Variants in ARHGEF33 observed in about 807,000 individuals in gnomAD.
The protein encoded by ARHGEF33 is DH and coiled-coil domain-containing protein ENSP00000381780.
In ARHGEF33, 72 loss-of-function variants were observed where a neutral mutation model predicts 101.9. That is an observed-to-expected ratio of 0.71 (90% CI 0.58 to 0.86). The LOEUF (loss-of-function observed/expected upper bound fraction) is 0.86, where lower values mean the gene tolerates loss of function less well. Ranked by LOEUF, ARHGEF33 falls within the 40% of genes least tolerant of loss-of-function variation. The probability of loss-of-function intolerance (pLI) is 0.00; values close to 1 mark genes in which losing one functional copy is unlikely to be tolerated. For synonymous variants in ARHGEF33, 499 were observed against 442.5 expected (o/e 1.13, Z -1.60); for missense variants, 1,169 against 1,111.3 (o/e 1.05, Z -0.74).
chr2:38,938,206 G>C (rs192577028), intron 9 of ARHGEF33, among the ~76,000 whole-genome samples: 50 of 152,192 alleles, frequency 3.3e-4, no homozygotes, highest in African/African-American at 1.0e-3. Context: ...GGCAGGCTCA[G>C]GCTGGGTACA....
chr2:38,944,439 AGT>A (rs1667389048), intron 10 of ARHGEF33, among the ~76,000 whole-genome samples: 1 of 152,166 alleles, frequency 6.6e-6, no homozygotes, highest in Non-Finnish European at 1.5e-5. Flanking sequence ...ATCCATTCAT[AGT>A]GCGGAGCTCT....
intron 2 of ARHGEF33, among the ~76,000 whole-genome samples, chr2:38,903,991 T>C (rs947692433): frequency 4.6e-5 from 7 of 152,216 alleles, no homozygotes; most frequent in Non-Finnish European, 8.8e-5. Flanking sequence ...ATATATCCTA[T>C]GTACCAGGGA....
intron 16 of ARHGEF33, among the ~76,000 whole-genome samples, chr2:38,964,486 C>A (rs1465336172): frequency 3.3e-5 from 5 of 151,490 alleles, no homozygotes; most frequent in Non-Finnish European, 5.9e-5. Flanking sequence ...GCAGCCACTC[C>A]CCAGCATTAG....
intron 10 of ARHGEF33, among the ~76,000 whole-genome samples, chr2:38,950,229 A>C (rs1425625428): frequency 6.6e-6 from 1 of 152,188 alleles, no homozygotes; most frequent in African/African-American, 2.4e-5. Flanking sequence ...AAATTTTCCT[A>C]CTTACCTAAA....
At chr2:38,956,855 T>C in intron 13 of ARHGEF33, 44 bp from the exon 14 acceptor site, 1 of 1,544,096 alleles carries the variant, frequency 6.5e-7, no homozygotes, top group Non-Finnish European at 8.8e-7. Context: ...AAACAAATTT[T>C]CATGCTGATT....
At chr2:38,891,650 G>C (rs1666008177) in intron 1 of ARHGEF33, among the ~76,000 whole-genome samples, 1 of 152,092 alleles carries the variant, frequency 6.6e-6, no homozygotes, top group African/African-American at 2.4e-5. Flanking sequence ...TCTTTGTTTG[G>C]ATTTTTATAA....
chr2:38,910,088 C>G (rs561164929), intron 2 of ARHGEF33, among the ~76,000 whole-genome samples: 1 of 152,206 alleles, frequency 6.6e-6, no homozygotes, highest in African/African-American at 2.4e-5. Flanking sequence ...ATAACACAGA[C>G]ACTGTTATTT....
At chr2:38,905,437 G>T (rs756694310) in intron 2 of ARHGEF33, among the ~76,000 whole-genome samples, 1 of 152,190 alleles carries the variant, frequency 6.6e-6, no homozygotes, top group Non-Finnish European at 1.5e-5. Context: ...AGTGATATTT[G>T]GAATTACCCT....
intron 10 of ARHGEF33, among the ~76,000 whole-genome samples, chr2:38,946,044 C>T (rs1015238454): frequency 6.6e-6 from 1 of 152,202 alleles, no homozygotes; most frequent in Non-Finnish European, 1.5e-5. Flanking sequence ...ATACAGTTGT[C>T]TCTTCCTATT....
At position 38,960,354 on chromosome 2, in the gene ARHGEF33, G is replaced by A. The variant is rs762674806; in HGVS notation, c.2049G>A (p.Pro683=). 1.6e-5 allele frequency: 24 copies of A among 1,531,768 alleles called. No homozygotes were observed. The highest frequency in any genetic ancestry group is 2.0e-4 in the Middle Eastern group (1 of 5,024). 94.9% of individuals were successfully genotyped at this position (1,531,768 alleles called of 1,614,324 possible). A position where few individuals can be genotyped will look rare whatever the true frequency, so the allele number is the denominator to read the frequency against. Residue 683 remains proline, a synonymous_variant, in exon 16 of 18, where the codon CCG becomes CCA. Transcript: ENST00000409978. ...CGCTGCCCAAGAGCGCTACGTCGCC[G>A]GCGGGCAGCAGCAGCGCCTACAAAC... The part of the protein sequence containing the change: ...LQPLPKSATS[P]AGSSSAYKLE...
chr2:38,941,586 C>T lies in ARHGEF33; in HGVS notation c.791-2315C>T, dbSNP rs184142193. On this transcript the variant is annotated intron_variant, in intron 9 of 17. Transcript: ENST00000409978. Reference sequence around the variant, plus strand: ...TTTTTGAGACGGAGTCTTGCACTGTCACCCAGGCTGGAGTGCAGTGGTGTG... The same window carrying T: ...TTTTTGAGACGGAGTCTTGCACTGTTACCCAGGCTGGAGTGCAGTGGTGTG... 1.3e-3 allele frequency among the ~76,000 whole-genome samples: 194 copies of T among 149,874 alleles called. 1 individual carries two copies. The highest frequency in any genetic ancestry group is 4.7e-3 in the African/African-American group (190 of 40,670).
chr2:38,918,878 A>C (rs1396938940), intron 2 of ARHGEF33, among the ~76,000 whole-genome samples: 3 of 108,644 alleles, frequency 2.8e-5, no homozygotes, highest in East Asian at 2.5e-4. Flanking sequence ...CCATCTCTAC[A>C]AAAAAAAAAA....
At chr2:38,965,884 G>A in intron 16 of ARHGEF33, 122 bp from the exon 17 acceptor site, 1 of 1,173,860 alleles carries the variant, frequency 8.5e-7, no homozygotes, top group Non-Finnish European at 1.2e-6. Context: ...GGGATTGGGT[G>A]CCCACTGGTA....
chr2:38,937,642 C>A lies in ARHGEF33; in HGVS notation c.790+83C>A, dbSNP rs148741488. On this transcript the variant is annotated intron_variant, in intron 9 of 17. Transcript: ENST00000409978. The stretch of plus-strand genomic sequence containing the variant: ...TTGAACTCAAAGGCGAGAATCCTTG[C>A]CGTTTAGATTCAGTGGACACATGAG... The A allele has an allele frequency of 1.3e-3, 1,065 of 850,808 alleles. 6 individuals carry two copies. The highest frequency in any genetic ancestry group is 7.1e-4 in the Non-Finnish European group (382 of 541,294). The allele number at this position is 850,808 out of a possible 1,614,324, so 52.7% of individuals were successfully genotyped here.
At chr2:38,922,454 G>T (rs539750912) in intron 4 of ARHGEF33, among the ~76,000 whole-genome samples, 6 of 152,160 alleles carry the variant, frequency 3.9e-5, no homozygotes, top group Non-Finnish European at 7.3e-5. Context: ...CTACTTCCCA[G>T]AATTATCATG....
intron 2 of ARHGEF33, among the ~76,000 whole-genome samples, chr2:38,897,183 G>C (rs1029700545): frequency 6.6e-5 from 10 of 152,158 alleles, no homozygotes; most frequent in African/African-American, 2.4e-4. Flanking sequence ...AAAAGTGCTG[G>C]GATTACAGGC....
intron 4 of ARHGEF33, among the ~76,000 whole-genome samples, chr2:38,923,723 T>C (rs1666809728): frequency 6.6e-6 from 1 of 152,232 alleles, no homozygotes; most frequent in Non-Finnish European, 1.5e-5. Context: ...AGTCATTCAG[T>C]CTTGTGCCAA....
intron 17 of ARHGEF33, among the ~76,000 whole-genome samples, chr2:38,970,547 G>T (rs772316575): frequency 1.3e-4 from 20 of 152,112 alleles, no homozygotes; most frequent in Non-Finnish European, 2.5e-4. Flanking sequence ...AAACATTTTA[G>T]ATTACTTAAC....
intron 14 of ARHGEF33, among the ~76,000 whole-genome samples, chr2:38,957,471 A>AC (rs1238363876): frequency 6.6e-6 from 1 of 152,254 alleles, no homozygotes; most frequent in Non-Finnish European, 1.5e-5. Context: ...GGCCCCAACC[A>AC]AATCTTTGCC....
Sources: allele counts gnomAD v4.1 joint callset (sites outside exome capture counted in the v4.1 genomes callset), GRCh38; gene constraint gnomAD v4.1.1; transcripts MANE v1.5; gene names NCBI Gene and HGNC (gene_info 2026-07-23, HGNC 2026-07-21).